SMAD4: variants seen among roughly 807,000 people sequenced by gnomAD.
SMAD4 encodes SMAD family member 4, also known as MAD homolog 4.
SMAD4 carries 7 observed loss-of-function variants against 63.2 expected under a neutral mutation model. That is an observed-to-expected ratio of 0.11 (90% CI 0.06 to 0.21). The LOEUF (loss-of-function observed/expected upper bound fraction) is 0.21, where lower values mean the gene tolerates loss of function less well. Ranked by LOEUF, SMAD4 falls within the 10% of genes least tolerant of loss-of-function variation. The pLI, the probability that SMAD4 is intolerant of heterozygous loss-of-function variation, is 1.00. For synonymous variants in SMAD4, 215 were observed against 235.4 expected (o/e 0.91, Z 0.79); for missense variants, 312 against 693.8 (o/e 0.45, Z 6.18).
At chr18:51,048,988 G>A in intron 3 of SMAD4, 128 bp downstream of exon 3, 1 of 818,398 alleles carries the variant, frequency 1.2e-6, no homozygotes, top group South Asian at 1.6e-5. Context: ...TAAAGAATCA[G>A]ACATTTTTAA....
Position 51,058,206 on chromosome 18 carries a change from A to G in SMAD4, c.749A>G (p.Gln250Arg), listed in dbSNP as rs879254159. 1 of 1,614,214 alleles carries G rather than the reference A, an allele frequency of 6.2e-7. No individual in the cohort carries two copies. The highest frequency in any genetic ancestry group is 8.5e-7 in the Non-Finnish European group (1 of 1,180,030). The change falls in exon 6 of 12, where the codon CAG becomes CGG. Residue 250 changes from glutamine (Q) to arginine (R), a missense_variant. This residue lies in a region of SMAD4 where 169 missense variants were observed against 211.0 expected (regional missense o/e 0.80). Transcript: ENST00000342988. ...TCAGGGCCTCAGCCAGGACAGCAGC[A>G]GAATGGATTTACTGGTCAGCCAGCT... ...IASGPQPGQQ[Q>R]NGFTGQPATY...
Position 51,058,202 on chromosome 18 carries a change from C to A in SMAD4, c.745C>A (p.Gln249Lys), listed in dbSNP as rs1370953444. 1.9e-6 allele frequency: 3 copies of A among 1,614,010 alleles called. No homozygotes were observed. In the Admixed American group the frequency reaches 5.0e-5, roughly 27 times the overall value. Residue 249 changes from glutamine to lysine, a missense_variant, in exon 6 of 12, where the codon CAG becomes AAG. Around this residue, in one of 4 missense-constraint regions of SMAD4, gnomAD observed 169 missense variants for 211.0 expected, o/e 0.80. Coordinates refer to ENST00000342988, the MANE Select transcript of SMAD4 (RefSeq NM_005359.6). ...AGCATCAGGGCCTCAGCCAGGACAG[C>A]AGCAGAATGGATTTACTGGTCAGCC... is the stretch of plus-strand genomic sequence containing the variant. ...QIASGPQPGQ[Q>K]QNGFTGQPAT...
At chr18:51,048,251 G>C (rs931717444) in intron 2 of SMAD4, among the ~76,000 whole-genome samples, 1 of 152,088 alleles carries the variant, frequency 6.6e-6, no homozygotes, top group African/African-American at 2.4e-5. Context: ...TTGACCTACT[G>C]GGCTTATGCA....
intron 10 of SMAD4, among the ~76,000 whole-genome samples, chr18:51,076,064 A>G (rs1910463916): frequency 1.3e-5 from 2 of 152,208 alleles, no homozygotes; most frequent in Non-Finnish European, 1.5e-5. Flanking sequence ...ACAATTTTAT[A>G]TTTGTTTGAT....
chr18:51,038,221 C>T (rs1227353638), intron 1 of SMAD4, among the ~76,000 whole-genome samples: 1 of 148,706 alleles, frequency 6.7e-6, no homozygotes, highest in Non-Finnish European at 1.5e-5. Context: ...CGCACCACTG[C>T]ACTCGGGCCT....
At chr18:51,037,585 ATCTC>A (rs934963288) in intron 1 of SMAD4, among the ~76,000 whole-genome samples, 5 of 152,250 alleles carry the variant, frequency 3.3e-5, no homozygotes, top group Non-Finnish European at 5.9e-5. Flanking sequence ...TTTTAAAAAA[ATCTC>A]TACCTTGGAG....
In SMAD4 at chr18:51,070,652, A is replaced by G. The variant is rs139995923; in HGVS notation, c.1308+3465A>G. ...TATTAAATGAAAAATTCCAGAAACA[A>G]TTCATAGGTTTTAAAATGTGCGCTG... On this transcript the variant is annotated intron_variant, in intron 10 of 11. Coordinates refer to ENST00000342988, the MANE Select transcript of SMAD4 (RefSeq NM_005359.6). 9.9e-4 allele frequency among the ~76,000 whole-genome samples: 150 copies of G among 152,254 alleles called. 1 individual carries two copies. The highest frequency in any genetic ancestry group is 3.6e-3 in the African/African-American group (149 of 41,558).
At chr18:51,052,166 G>C (rs1299116840) in intron 4 of SMAD4, among the ~76,000 whole-genome samples, 1 of 152,064 alleles carries the variant, frequency 6.6e-6, no homozygotes, top group Non-Finnish European at 1.5e-5. Flanking sequence ...TAAAAATATG[G>C]TTAAATAATA....
intron 8 of SMAD4, among the ~76,000 whole-genome samples, chr18:51,064,318 C>G (rs898231746): frequency 2.6e-5 from 4 of 152,216 alleles, no homozygotes; most frequent in African/African-American, 9.6e-5. Context: ...GGGATGTCCC[C>G]TACCATCCAG....
intron 10 of SMAD4, among the ~76,000 whole-genome samples, chr18:51,068,600 A>G (rs746793763): frequency 1.3e-5 from 2 of 152,192 alleles, no homozygotes; most frequent in Non-Finnish European, 2.9e-5. Flanking sequence ...TAGGATATCC[A>G]TGTGTATAGA....
In SMAD4 at chr18:51,034,432, A is replaced by G. The variant is rs1409628944; in HGVS notation, c.-128+3809A>G. On this transcript the variant is annotated intron_variant, in intron 1 of 11. Transcript: ENST00000342988. ...AAGCTAATTTTTTTGTATTATTAGT[A>G]GAGGACGGGGTTTCACCATTTTGGG... 3.3e-5 allele frequency among the ~76,000 whole-genome samples: 5 copies of G among 152,110 alleles called. No homozygotes were observed. In the East Asian group the frequency reaches 9.6e-4, roughly 29 times the overall value.
rs550039091 is a variant in SMAD4, at chr18:51,043,678, C to T, written c.-127-3242C>T. Reference sequence around the variant, plus strand: ...AGGTCATTATCATTTGTATTCAAAGCAACTTGGTATTAAAACAAACTTTGA... The same window carrying T: ...AGGTCATTATCATTTGTATTCAAAGTAACTTGGTATTAAAACAAACTTTGA... On this transcript the variant is annotated intron_variant, in intron 1 of 11. Transcript: ENST00000342988. 3.2e-4 allele frequency among the ~76,000 whole-genome samples: 49 copies of T among 152,292 alleles called. No homozygotes were observed. In the Middle Eastern group the frequency reaches 0.02, roughly 63 times the overall value.
At chr18:51,059,237 A>C (rs1400423379) in intron 7 of SMAD4, among the ~76,000 whole-genome samples, 3 of 152,176 alleles carry the variant, frequency 2.0e-5, no homozygotes, top group Non-Finnish European at 4.4e-5. Flanking sequence ...AAGAGAATGT[A>C]ATTTTTAATG....
chr18:51,031,559 A>G (rs1909050986), intron 1 of SMAD4, among the ~76,000 whole-genome samples: 1 of 152,228 alleles, frequency 6.6e-6, no homozygotes, highest in South Asian at 2.1e-4. Context: ...ACACAACAGG[A>G]TAATAGCGGA....
intron 8 of SMAD4, among the ~76,000 whole-genome samples, chr18:51,062,684 A>G (rs1444421329): frequency 6.7e-6 from 1 of 149,678 alleles, no homozygotes; most frequent in African/African-American, 2.5e-5. Flanking sequence ...TTGTTAGTAG[A>G]GATAGGGTTT....
chr18:51,069,749 C>G (rs769421572), intron 10 of SMAD4, among the ~76,000 whole-genome samples: 1 of 152,180 alleles, frequency 6.6e-6, no homozygotes, highest in African/African-American at 2.4e-5. Context: ...CCTAGGTGTA[C>G]TTCTGAATTG....
At chr18:51,056,750 A>G (rs896954002) in intron 5 of SMAD4, among the ~76,000 whole-genome samples, 1 of 152,138 alleles carries the variant, frequency 6.6e-6, no homozygotes, top group African/African-American at 2.4e-5. Context: ...GTATTGTTTA[A>G]CTTTATTTTA....
intron 10 of SMAD4, among the ~76,000 whole-genome samples, chr18:51,067,446 C>G (rs1910196217): frequency 6.6e-6 from 1 of 151,840 alleles, no homozygotes; most frequent in Non-Finnish European, 1.5e-5. Flanking sequence ...GAGTCTTGCT[C>G]TCGTCGCCCA....
chr18:51,037,209 G>A (rs1909234399), intron 1 of SMAD4, among the ~76,000 whole-genome samples: 1 of 152,152 alleles, frequency 6.6e-6, no homozygotes. Flanking sequence ...TTTATAAAAT[G>A]TATTTTTCAG....
Sources: allele counts gnomAD v4.1 joint callset (sites outside exome capture counted in the v4.1 genomes callset), GRCh38; gene constraint gnomAD v4.1.1; regional missense constraint gnomAD v4.1.1; transcripts MANE v1.5; gene names NCBI Gene and HGNC (gene_info 2026-07-23, HGNC 2026-07-21).